ARHGAP24: variants seen among roughly 807,000 people sequenced by gnomAD.
ARHGAP24 encodes rho GTPase-activating protein 24.
Under a neutral mutation model 76.4 loss-of-function variants are expected in ARHGAP24, and 50 were observed. The observed-to-expected ratio is 0.65, with a 90% CI of 0.52 to 0.83. ARHGAP24 has a LOEUF of 0.83. Ranked by LOEUF, ARHGAP24 falls within the 40% of genes least tolerant of loss-of-function variation. The pLI, the probability that ARHGAP24 is intolerant of heterozygous loss-of-function variation, is 0.00. For synonymous variants in ARHGAP24, 345 were observed against 323.3 expected (o/e 1.07, Z -0.72); for missense variants, 930 against 914.2 (o/e 1.02, Z -0.22).
chr4:85,655,442 G>C (rs1265555389), intron 2 of ARHGAP24, among the ~76,000 whole-genome samples: 1 of 152,006 alleles, frequency 6.6e-6, no homozygotes, highest in African/African-American at 2.4e-5. Flanking sequence ...AACTGCCAGA[G>C]AAAATACTTA....
chr4:85,543,452 T>G (rs1725787989), intron 1 of ARHGAP24, among the ~76,000 whole-genome samples: 1 of 152,114 alleles, frequency 6.6e-6, no homozygotes, highest in South Asian at 2.1e-4. Flanking sequence ...ATGTTTTGGT[T>G]GTGGGAGCGG....
At chr4:85,580,367 C>A (rs1001450884) in intron 2 of ARHGAP24, among the ~76,000 whole-genome samples, 11 of 152,108 alleles carry the variant, frequency 7.2e-5, no homozygotes, top group Non-Finnish European at 1.5e-4. Context: ...ATGACCATCT[C>A]GACTTCCCAG....
At chr4:85,930,693 C>A (rs111821032) in intron 4 of ARHGAP24, 18 of 1,182,586 alleles carry the variant, frequency 1.5e-5, no homozygotes, top group South Asian at 3.4e-5. Context: ...AAAAAAAAAA[C>A]CTTAAAAACT....
intron 4 of ARHGAP24, 88 bp downstream of exon 4, chr4:85,923,858 T>G (rs969693913): frequency 3.5e-5 from 55 of 1,556,286 alleles, no homozygotes; most frequent in Non-Finnish European, 4.7e-5. Flanking sequence ...TATTAGCTCC[T>G]GTATTCAAGT....
rs189551434 is a variant in ARHGAP24, at chr4:85,512,225, G to A, written c.-21+36666G>A. On this transcript the variant is annotated intron_variant, in intron 1 of 9. Coordinates refer to ENST00000395184, the MANE Select transcript of ARHGAP24 (RefSeq NM_001025616.3). ...CTTTGTCAAATTACTTAGCCTCACTGAGCCTCAACTGTAACGTAGGTAATT... is the reference window on the plus strand; with the variant it reads ...CTTTGTCAAATTACTTAGCCTCACTAAGCCTCAACTGTAACGTAGGTAATT... 1.8e-3 allele frequency among the ~76,000 whole-genome samples: 268 copies of A among 152,322 alleles called. 2 individuals carry two copies. Among genetic ancestry groups the A allele is most frequent in the Admixed American group, 7.0e-3 (107 of 15,290 alleles).
At chr4:85,774,985 C>G (rs777008130) in intron 3 of ARHGAP24, among the ~76,000 whole-genome samples, 2 of 151,936 alleles carry the variant, frequency 1.3e-5, no homozygotes, top group African/African-American at 2.4e-5. Flanking sequence ...GGTTTCTAAT[C>G]TTATTTATAT....
At chr4:85,589,617 G>A (rs183126924) in intron 2 of ARHGAP24, among the ~76,000 whole-genome samples, 7 of 152,116 alleles carry the variant, frequency 4.6e-5, no homozygotes, top group East Asian at 3.9e-4. Flanking sequence ...CTACATCTCC[G>A]GCCAGAGATA....
intron 3 of ARHGAP24, among the ~76,000 whole-genome samples, chr4:85,852,427 C>T (rs1003449754): frequency 1.6e-4 from 25 of 151,950 alleles, no homozygotes; most frequent in African/African-American, 5.6e-4. Flanking sequence ...TTGTTTTTAC[C>T]GACCTTCTGA....
intron 1 of ARHGAP24, among the ~76,000 whole-genome samples, chr4:85,486,381 T>C (rs1452339179): frequency 6.6e-6 from 1 of 152,180 alleles, no homozygotes; most frequent in Non-Finnish European, 1.5e-5. Context: ...GGTCCGTCAC[T>C]ACAATGAATT....
intron 2 of ARHGAP24, among the ~76,000 whole-genome samples, chr4:85,655,884 A>G (rs1350646387): frequency 3.4e-5 from 5 of 147,258 alleles, no homozygotes; most frequent in African/African-American, 1.3e-4. Flanking sequence ...TTGAAAGAGT[A>G]AGTATACTGT....
At chr4:85,496,599 T>G (rs139830572) in intron 1 of ARHGAP24, among the ~76,000 whole-genome samples, 54 of 152,306 alleles carry the variant, frequency 3.5e-4, no homozygotes, top group Non-Finnish European at 6.6e-4. Context: ...ATCACAACCG[T>G]GAAGTTCAAC....
chr4:85,907,252 T>C (rs1734818617), intron 3 of ARHGAP24, among the ~76,000 whole-genome samples: 1 of 152,178 alleles, frequency 6.6e-6, no homozygotes, highest in Non-Finnish European at 1.5e-5. Flanking sequence ...AGCTTGTCAT[T>C]TGGCTTTCCT....
chr4:85,693,917 C>T (rs1723771325), intron 2 of ARHGAP24, among the ~76,000 whole-genome samples: 1 of 152,172 alleles, frequency 6.6e-6, no homozygotes, highest in Non-Finnish European at 1.5e-5. Context: ...TGCCTCCCAA[C>T]TCAAATGTTT....
chr4:85,935,508 C>T (rs17011217), intron 4 of ARHGAP24, among the ~76,000 whole-genome samples: 4,124 of 152,214 alleles, frequency 0.027, 148 homozygotes, highest in African/African-American at 0.072. Context: ...GATACTAAGA[C>T]AATAGTGAGA....
At chr4:85,527,209 A>G (rs368354052) in intron 1 of ARHGAP24, among the ~76,000 whole-genome samples, 1 of 152,172 alleles carries the variant, frequency 6.6e-6, no homozygotes, top group Non-Finnish European at 1.5e-5. Flanking sequence ...TTAATAATGC[A>G]TTATAATTTA....
intron 3 of ARHGAP24, among the ~76,000 whole-genome samples, chr4:85,921,978 T>G (rs368584843): frequency 6.6e-6 from 1 of 152,304 alleles, no homozygotes; most frequent in East Asian, 1.9e-4. Context: ...CCAAAAAGGT[T>G]GGGGATCACT....
At chr4:85,542,334 GT>G (rs1373000758) in intron 1 of ARHGAP24, among the ~76,000 whole-genome samples, 2 of 152,094 alleles carry the variant, frequency 1.3e-5, no homozygotes, top group Admixed American at 1.3e-4. Flanking sequence ...TTCAAAGCAA[GT>G]TTTTTGAATC....
At chr4:85,504,477 CCTT>C in intron 1 of ARHGAP24, among the ~76,000 whole-genome samples, 2 of 152,260 alleles carry the variant, frequency 1.3e-5, no homozygotes, top group East Asian at 3.9e-4. Flanking sequence ...TATGTAATGG[CCTT>C]CTTTGTCTCT....
intron 9 of ARHGAP24, among the ~76,000 whole-genome samples, chr4:85,996,799 A>G (rs548286796): frequency 5.9e-5 from 9 of 152,268 alleles, no homozygotes; most frequent in Middle Eastern, 3.4e-3. Context: ...TGGAACCACT[A>G]TGTATTGGAA....
Sources: allele counts gnomAD v4.1 joint callset (sites outside exome capture counted in the v4.1 genomes callset), GRCh38; gene constraint gnomAD v4.1.1; transcripts MANE v1.5; gene names NCBI Gene and HGNC (gene_info 2026-07-23, HGNC 2026-07-21).